Variants in KIF5B observed in about 807,000 individuals in gnomAD.
KIF5B encodes kinesin family member 5B.
A neutral mutation model predicts 132.8 loss-of-function variants in KIF5B; 49 were observed. That is an observed-to-expected ratio of 0.37 (90% CI 0.29 to 0.47). The LOEUF (loss-of-function observed/expected upper bound fraction) is 0.47. KIF5B is among the 20% of genes least tolerant of loss of function. KIF5B has a pLI of 1.00. For missense variants in KIF5B, 780 were observed against 1,144.0 expected (o/e 0.68, Z 4.59); for synonymous variants, 355 against 369.4 (o/e 0.96, Z 0.45).
At chr10:32,038,641 T>C (rs112309539) in intron 5 of KIF5B, 137 bp downstream of exon 5, 1 of 605,944 alleles carries the variant, frequency 1.7e-6, no homozygotes, top group South Asian at 2.2e-5. Context: ...ACTAAAACTT[T>C]AGAAGAAAAA....
At chr10:32,032,384 C>A (rs1000878301) in intron 13 of KIF5B, among the ~76,000 whole-genome samples, 4 of 151,908 alleles carry the variant, frequency 2.6e-5, no homozygotes, top group African/African-American at 7.3e-5. Context: ...GCCCACCACC[C>A]CCACAAAAAA....
chr10:32,048,516 T>C lies in KIF5B; in HGVS notation c.162A>G (p.Ser54=). ...KPYAFDRVFQ[S]STSQEQVYND... is the part of the protein sequence containing the mutation. The stretch of plus-strand genomic sequence containing the variant: ...TATACACTTGCTCTTGAGATGTGCT[T>C]GACTGGAACACCCGATCAAATGCAT... Residue 54 remains serine (S), a synonymous_variant, in exon 2 of 26, where the codon TCA becomes TCG. Transcript: ENST00000302418. The C allele has an allele frequency of 6.2e-7, 1 of 1,613,832 alleles. No individual in the cohort carries two copies. Among genetic ancestry groups the C allele is most frequent in the Non-Finnish European group, 8.5e-7 (1 of 1,179,890 alleles).
chr10:32,017,897 A>G (rs1841197129), intron 23 of KIF5B, among the ~76,000 whole-genome samples, 155 bp downstream of exon 23: 1 of 152,200 alleles, frequency 6.6e-6, no homozygotes, highest in Admixed American at 6.5e-5. Context: ...TAACTCCTCT[A>G]AAAGTTACTT....
intron 8 of KIF5B, 109 bp from the exon 9 acceptor site, chr10:32,036,103 A>G: frequency 1.6e-6 from 1 of 611,124 alleles, no homozygotes; most frequent in Non-Finnish European, 2.6e-6. Flanking sequence ...AGAAAAAAGA[A>G]CATGAAAAGC....
In KIF5B at chr10:32,022,699, T is replaced by C. The variant is rs573936427; in HGVS notation, c.1914+149A>G. 6.0e-5 allele frequency: 34 copies of C among 564,930 alleles called. No individual in the cohort carries two copies. In the South Asian group the frequency reaches 9.6e-4, roughly 16 times the overall value. The allele number at this position is 564,930 out of a possible 1,614,324, so 35.0% of individuals were successfully genotyped here. A position where few individuals can be genotyped will look rare whatever the true frequency, so the allele number is the denominator to read the frequency against. ...TTTATGTTAGGCAAATATAACTCAG[T>C]TAAATCATTCAAATTTACTGCAGCT... On this transcript the variant is annotated intron_variant, in intron 16 of 25. Coordinates refer to ENST00000302418, the MANE Select transcript of KIF5B (RefSeq NM_004521.3).
At chr10:32,040,312 G>T in intron 3 of KIF5B, 72 bp downstream of exon 3, 1 of 904,898 alleles carries the variant, frequency 1.1e-6, no homozygotes, top group South Asian at 1.3e-5. Flanking sequence ...TATGCATGGT[G>T]AAATAATATC....
In KIF5B at chr10:32,031,770, G is replaced by A. The variant is rs576168690; in HGVS notation, c.1375-491C>T. Among the ~76,000 whole-genome samples, 449 of 149,222 alleles carry A rather than the reference G, an allele frequency of 3.0e-3. 1 individual carries two copies. Among genetic ancestry groups the A allele is most frequent in the African/African-American group, 8.5e-3 (346 of 40,654 alleles). On this transcript the variant is annotated intron_variant, in intron 13 of 25. Coordinates refer to ENST00000302418, the MANE Select transcript of KIF5B (RefSeq NM_004521.3). ...TCCCAGCATTTTGGGAGGCCGAGGCGGGCGGATCACAAGGTCAGGAGTTTG... is the reference window on the plus strand; with the variant it reads ...TCCCAGCATTTTGGGAGGCCGAGGCAGGCGGATCACAAGGTCAGGAGTTTG...
Position 32,035,641 on chromosome 10 carries a change from T to C in KIF5B, c.843A>G (p.Lys281=). ...GSTYVPYRDS[K]MTRILQDSLG... ...ATGAATCTTGAAGGATTCTTGTCAT[T>C]TTACTATCTCGATATGGAACATATG... is the stretch of plus-strand genomic sequence containing the variant. The change falls in exon 10 of 26, where the codon AAA becomes AAG. Residue 281 remains lysine (K), a synonymous_variant. Transcript: ENST00000302418. 1 of 1,612,636 alleles carries C rather than the reference T, an allele frequency of 6.2e-7. No homozygotes were observed. Among genetic ancestry groups the C allele is most frequent in the Non-Finnish European group, 8.5e-7 (1 of 1,179,240 alleles).
At chr10:32,055,747 C>T in intron 1 of KIF5B, 101 bp downstream of exon 1, 1 of 1,468,536 alleles carries the variant, frequency 6.8e-7, no homozygotes, top group South Asian at 1.3e-5. Context: ...GCTGGGGACA[C>T]CGCCGCTCCC....
At chr10:32,041,704 C>A (rs1174323406) in intron 2 of KIF5B, among the ~76,000 whole-genome samples, 2 of 152,246 alleles carry the variant, frequency 1.3e-5, no homozygotes, top group Admixed American at 1.3e-4. Flanking sequence ...CTGGTCACTG[C>A]AGCCTCAACC....
chr10:32,026,000 G>C lies in KIF5B; in HGVS notation c.1725+2428C>G, dbSNP rs1041288512. On this transcript the variant is annotated intron_variant, in intron 15 of 25. Coordinates refer to ENST00000302418, the MANE Select transcript of KIF5B (RefSeq NM_004521.3). The stretch of plus-strand genomic sequence containing the variant: ...TAGAGGTGAATAGCAAAAACACTGG[G>C]AATTTGTTAGGGTGGTGTGGGAACT... 5.9e-5 allele frequency among the ~76,000 whole-genome samples: 9 copies of C among 152,156 alleles called. No homozygotes were observed. The East Asian group carries it at 1.2e-3, about 20-fold the overall frequency.
intron 2 of KIF5B, among the ~76,000 whole-genome samples, chr10:32,044,890 A>G (rs1199654798): frequency 1.3e-5 from 2 of 152,154 alleles, no homozygotes; most frequent in Non-Finnish European, 2.9e-5. Context: ...CTCTTACCAT[A>G]TTACAGAGAA....
intron 20 of KIF5B, among the ~76,000 whole-genome samples, chr10:32,019,638 A>C (rs211378): frequency 0.2 from 30,427 of 152,152 alleles, 3,292 homozygotes; most frequent in Non-Finnish European, 0.24. Context: ...GAGAAACCTT[A>C]ATCTTAACCA....
rs751756709 is a variant in KIF5B, at chr10:32,040,402, C to G, written c.270G>C (p.Gly90=). The change falls in exon 3 of 26, where the codon GGG becomes GGC. Residue 90 remains glycine (G), a synonymous_variant. Transcript: ENST00000302418. ...ACGTTACCTCCATTGTGTGTGTCTT[C>G]CCAGAGGATGTTTGTCCATATGCAA... ...TIFAYGQTSS[G]KTHTMEGKLH... is the part of the protein sequence containing the mutation. 4 of 1,598,058 alleles carry G rather than the reference C, an allele frequency of 2.5e-6. No individual in the cohort carries two copies. In the East Asian group the frequency reaches 6.7e-5, roughly 27 times the overall value.
At chr10:32,038,283 C>G (rs1841486996) in intron 5 of KIF5B, 65 bp from the exon 6 acceptor site, 2 of 1,115,142 alleles carry the variant, frequency 1.8e-6, no homozygotes, top group Admixed American at 1.9e-5. Context: ...TATGAAATAA[C>G]TGATAGGCTT....
intron 25 of KIF5B, among the ~76,000 whole-genome samples, chr10:32,014,977 T>G (rs1346679077): frequency 6.6e-6 from 1 of 151,874 alleles, no homozygotes; most frequent in African/African-American, 2.4e-5. Flanking sequence ...ACACAAAAAT[T>G]AGCCAGGCAT....
intron 2 of KIF5B, among the ~76,000 whole-genome samples, chr10:32,041,236 A>C (rs1841534816): frequency 6.6e-6 from 1 of 152,092 alleles, no homozygotes; most frequent in Non-Finnish European, 1.5e-5. Context: ...GACTCCATCA[A>C]AGTTTAGTAC....
intron 25 of KIF5B, among the ~76,000 whole-genome samples, chr10:32,013,195 C>T (rs144107279): frequency 8.5e-4 from 129 of 152,206 alleles, no homozygotes; most frequent in African/African-American, 3.0e-3. Flanking sequence ...CCACTGCTCC[C>T]GGCCAACTCA....
chr10:32,025,008 C>T (rs537696054), intron 15 of KIF5B, among the ~76,000 whole-genome samples: 4 of 151,256 alleles, frequency 2.6e-5, no homozygotes, highest in Non-Finnish European at 5.9e-5. Context: ...ACCCAGGAGG[C>T]GGAGGTTATG....
Sources: gnomAD v4.1 joint callset for allele counts (sites outside exome capture counted in the v4.1 genomes callset) on GRCh38, gnomAD v4.1.1 for gene constraint, MANE v1.5 for transcripts, NCBI Gene and HGNC (gene_info 2026-07-23, HGNC 2026-07-21) for gene names.